DPP10: variants seen among roughly 807,000 people sequenced by gnomAD.
The protein encoded by DPP10 is dipeptidyl peptidase like 10, also known as inactive dipeptidyl peptidase 10.
In DPP10, 33 loss-of-function variants were observed where a neutral mutation model predicts 120.9. The ratio of observed to expected loss-of-function variants is 0.27; its 90% CI spans 0.21 to 0.37. DPP10 has a LOEUF of 0.37. Among genes scored for constraint, DPP10 ranks in the 10% least tolerant of loss-of-function variants. DPP10 has a pLI of 1.00. For synonymous variants in DPP10, 337 were observed against 326.1 expected (o/e 1.03, Z -0.36); for missense variants, 816 against 942.8 (o/e 0.87, Z 1.76).
intron 19 of DPP10, among the ~76,000 whole-genome samples, chr2:115,801,357 A>G (rs1351374121): frequency 6.6e-6 from 1 of 152,076 alleles, no homozygotes. Context: ...GGGTTTTCTA[A>G]ATATATAATC....
At position 114,804,408 on chromosome 2, in the gene DPP10, C is replaced by T. The variant is rs1684543011; in HGVS notation, c.60+361570C>T. Among the ~76,000 whole-genome samples, 5 of 152,234 alleles carry T rather than the reference C, an allele frequency of 3.3e-5. No individual in the cohort carries two copies. The South Asian group carries it at 8.3e-4, about 25-fold the overall frequency. ...AGAAGAAAGAGGGCCACCATCCTCC[C>T]AGAATGGTAGATCCACCAACAGCTT... On this transcript the variant is annotated intron_variant, in intron 1 of 25. Transcript: ENST00000410059.
chr2:114,733,915 C>T (rs1231952380), intron 1 of DPP10, among the ~76,000 whole-genome samples: 1 of 152,118 alleles, frequency 6.6e-6, no homozygotes, highest in Non-Finnish European at 1.5e-5. Flanking sequence ...AAGCTCATCT[C>T]TTCCTAGATG....
At chr2:114,977,440 A>T (rs1574617966) in intron 1 of DPP10, among the ~76,000 whole-genome samples, 1 of 152,232 alleles carries the variant, frequency 6.6e-6, no homozygotes. Context: ...TACTAAAAAT[A>T]ATCTACTTTT....
chr2:115,187,288 G>T (rs915532375), intron 1 of DPP10, among the ~76,000 whole-genome samples: 1 of 151,564 alleles, frequency 6.6e-6, no homozygotes, highest in Admixed American at 6.6e-5. Context: ...CACCCGCCTC[G>T]GCCTCCCAAA....
chr2:115,703,270 T>C (rs967525690), intron 7 of DPP10, among the ~76,000 whole-genome samples: 3 of 151,990 alleles, frequency 2.0e-5, no homozygotes, highest in African/African-American at 7.2e-5. Flanking sequence ...TACGCTTAAA[T>C]TTACTTACAT....
intron 3 of DPP10, among the ~76,000 whole-genome samples, chr2:115,399,929 C>G (rs2067946650): frequency 6.6e-6 from 1 of 152,090 alleles, no homozygotes. Flanking sequence ...GTTCTGCAGG[C>G]TGTACAGGAA....
chr2:115,273,253 A>G (rs1441353175), intron 1 of DPP10, among the ~76,000 whole-genome samples: 2 of 152,132 alleles, frequency 1.3e-5, no homozygotes, highest in African/African-American at 2.4e-5. Context: ...CAAAACATGC[A>G]CTTGAAGGTA....
intron 1 of DPP10, among the ~76,000 whole-genome samples, chr2:115,006,999 AG>A (rs1270194999): frequency 1.3e-5 from 2 of 152,076 alleles, no homozygotes; most frequent in East Asian, 3.9e-4. Context: ...GTAAAAGAAC[AG>A]AAATTATAAC....
intron 1 of DPP10, among the ~76,000 whole-genome samples, chr2:114,877,422 A>C (rs1178887515): frequency 6.6e-6 from 1 of 151,966 alleles, no homozygotes; most frequent in Non-Finnish European, 1.5e-5. Flanking sequence ...TCTCCATTGG[A>C]AGCCATTTCA....
intron 5 of DPP10, among the ~76,000 whole-genome samples, chr2:115,676,638 A>G (rs2090286490): frequency 6.6e-6 from 1 of 152,200 alleles, no homozygotes; most frequent in African/African-American, 2.4e-5. Flanking sequence ...AGATAAATGC[A>G]TTAGCCAAAA....
At chr2:115,099,499 G>A (rs2048576458) in intron 1 of DPP10, among the ~76,000 whole-genome samples, 1 of 152,180 alleles carries the variant, frequency 6.6e-6, no homozygotes, top group Admixed American at 6.5e-5. Context: ...AGCAGCTATA[G>A]CTTAAATGTT....
At chr2:114,789,254 G>A (rs1302045178) in intron 1 of DPP10, among the ~76,000 whole-genome samples, 2 of 152,210 alleles carry the variant, frequency 1.3e-5, no homozygotes, top group South Asian at 4.1e-4. Flanking sequence ...TCTTACCAGA[G>A]TAACAGGGGA....
intron 1 of DPP10, among the ~76,000 whole-genome samples, chr2:115,024,019 G>A (rs908923062): frequency 1.2e-4 from 18 of 152,064 alleles, no homozygotes; most frequent in African/African-American, 3.9e-4. Context: ...AAAGGGTGGT[G>A]GGTGGTGAGG....
intron 7 of DPP10, among the ~76,000 whole-genome samples, chr2:115,699,410 T>C (rs1192937237): frequency 6.6e-6 from 1 of 152,174 alleles, no homozygotes; most frequent in Non-Finnish European, 1.5e-5. Flanking sequence ...GAGACCAGCC[T>C]GGCCAACATG....
intron 1 of DPP10, among the ~76,000 whole-genome samples, chr2:114,900,457 T>A (rs1693466131): frequency 6.6e-6 from 1 of 152,242 alleles, no homozygotes; most frequent in Non-Finnish European, 1.5e-5. Flanking sequence ...TTTGATTGAT[T>A]GCTAAGGAAA....
At chr2:115,735,589 C>T (rs944342615) in intron 8 of DPP10, among the ~76,000 whole-genome samples, 1 of 151,596 alleles carries the variant, frequency 6.6e-6, no homozygotes, top group Admixed American at 6.6e-5. Flanking sequence ...GGCACGATCC[C>T]GGCTCACTGC....
chr2:115,200,914 T>G (rs914362924), intron 1 of DPP10, among the ~76,000 whole-genome samples: 6 of 152,112 alleles, frequency 3.9e-5, no homozygotes, highest in Non-Finnish European at 5.9e-5. Flanking sequence ...ATAATGCTCA[T>G]AGAGAGGAAG....
chr2:115,181,236 G>C (rs1405568132), intron 1 of DPP10, among the ~76,000 whole-genome samples: 1 of 152,166 alleles, frequency 6.6e-6, no homozygotes, highest in African/African-American at 2.4e-5. Context: ...GTGAATGTCT[G>C]TGCTAACCTG....
At chr2:114,577,045 T>C (rs1174871681) in intron 1 of DPP10, among the ~76,000 whole-genome samples, 1 of 152,114 alleles carries the variant, frequency 6.6e-6, no homozygotes, top group East Asian at 1.9e-4. Context: ...ATATATGGTA[T>C]GTTATCAAGA....
Sources: allele counts gnomAD v4.1 joint callset (sites outside exome capture counted in the v4.1 genomes callset), GRCh38; gene constraint gnomAD v4.1.1; transcripts MANE v1.5; gene names NCBI Gene and HGNC (gene_info 2026-07-23, HGNC 2026-07-21).